Variants in ANKRD17 observed in about 807,000 individuals in gnomAD.
The protein encoded by ANKRD17 is ankyrin repeat domain 17, also known as ankyrin repeat domain-containing protein 17.
Under a neutral mutation model 229.7 loss-of-function variants are expected in ANKRD17, and 19 were observed. That is an observed-to-expected ratio of 0.08 (90% CI 0.06 to 0.12). ANKRD17 has a LOEUF of 0.12. ANKRD17 is among the 10% of genes least tolerant of loss of function. The pLI, the probability that ANKRD17 is intolerant of heterozygous loss-of-function variation, is 1.00. For synonymous variants in ANKRD17, 1,112 were observed against 1,146.1 expected, an observed-to-expected ratio of 0.97 and a Z score of 0.60; for missense variants, 2,176 against 3,176.8, an observed-to-expected ratio of 0.68 and a Z score of 7.57.
chr4:73,255,183 A>G (rs1255669482), intron 1 of ANKRD17, among the ~76,000 whole-genome samples: 1 of 152,202 alleles, frequency 6.6e-6, no homozygotes, highest in Non-Finnish European at 1.5e-5. Flanking sequence ...CCTATTCTCA[A>G]TAACCTACTC....
intron 1 of ANKRD17, among the ~76,000 whole-genome samples, chr4:73,214,394 G>T (rs555986399): frequency 2.0e-5 from 3 of 152,186 alleles, no homozygotes; most frequent in Non-Finnish European, 4.4e-5. Flanking sequence ...CAGCAGTTGT[G>T]CAAGTGTGGT....
At chr4:73,102,758 T>C in intron 24 of ANKRD17, 3 of 498,380 alleles carry the variant, frequency 6.0e-6, no homozygotes, top group Non-Finnish European at 1.0e-5. Context: ...ATAAGACTAA[T>C]TTTAAAATGG....
intron 1 of ANKRD17, among the ~76,000 whole-genome samples, chr4:73,197,634 T>C (rs1220824815): frequency 6.6e-6 from 1 of 152,106 alleles, no homozygotes; most frequent in Non-Finnish European, 1.5e-5. Flanking sequence ...AGTTTGAGAC[T>C]AGCTTGAGCA....
rs1354836230 is a variant in ANKRD17 at position 73,146,856 on chromosome 4, T to A, written c.1777A>T (p.Thr593Ser). Residue 593 changes from threonine to serine, a missense_variant, in exon 10 of 34, where the codon ACA becomes TCA. Transcript: ENST00000358602. ...AGTGCTGTATCCCCTGTTGCTGTTG[T>A]TGCATGAACGTTAGCTCCTGTAGTA... The part of the protein sequence containing the change: ...LLAAGANVHA[T>S]TATGDTALTY... 5.0e-6 allele frequency: 8 copies of A among 1,612,500 alleles called. No individual in the cohort carries two copies. The highest frequency in any genetic ancestry group is 6.8e-6 in the Non-Finnish European group (8 of 1,178,998).
At chr4:73,164,603 CAACATGG>C (rs1351062529) in intron 2 of ANKRD17, among the ~76,000 whole-genome samples, 2 of 152,046 alleles carry the variant, frequency 1.3e-5, no homozygotes, top group Non-Finnish European at 2.9e-5. Flanking sequence ...TCAGCCTGGG[CAACATGG>C]TGAAACCCCG....
chr4:73,146,681 A>G, intron 10 of ANKRD17, 83 bp downstream of exon 10: 1 of 978,164 alleles, frequency 1.0e-6, no homozygotes, highest in Non-Finnish European at 1.5e-6. Context: ...AAGGTAAAGA[A>G]ATACCTTTTG....
chr4:73,197,666 T>C (rs934060008), intron 1 of ANKRD17, among the ~76,000 whole-genome samples: 1 of 152,016 alleles, frequency 6.6e-6, no homozygotes, highest in African/African-American at 2.4e-5. Context: ...CCCATCTCTA[T>C]TAAAAAAATT....
chr4:73,222,795 G>GT (rs1262103921), intron 1 of ANKRD17, among the ~76,000 whole-genome samples: 1 of 152,166 alleles, frequency 6.6e-6, no homozygotes, highest in African/African-American at 2.4e-5. Flanking sequence ...GACGTCTATA[G>GT]TAATCATGTG....
At chr4:73,224,606 C>T (rs1199205414) in intron 1 of ANKRD17, among the ~76,000 whole-genome samples, 2 of 152,076 alleles carry the variant, frequency 1.3e-5, no homozygotes, top group African/African-American at 4.8e-5. Context: ...CTCATAACAA[C>T]CCAGCTATGT....
At chr4:73,136,629 T>C (rs1728927150) in intron 15 of ANKRD17, among the ~76,000 whole-genome samples, 1 of 152,126 alleles carries the variant, frequency 6.6e-6, no homozygotes, top group African/African-American at 2.4e-5. Flanking sequence ...ATATATTAAA[T>C]TGATAATCTA....
At chr4:73,171,214 A>AGG (rs1343600199) in intron 2 of ANKRD17, among the ~76,000 whole-genome samples, 1 of 151,224 alleles carries the variant, frequency 6.6e-6, no homozygotes, top group Non-Finnish European at 1.5e-5. Flanking sequence ...AGAGAGAGAG[A>AGG]GAGAGAGACT....
At chr4:73,247,399 C>A (rs1038520743) in intron 1 of ANKRD17, among the ~76,000 whole-genome samples, 1 of 151,932 alleles carries the variant, frequency 6.6e-6, no homozygotes, top group Non-Finnish European at 1.5e-5. Flanking sequence ...GTTTCATACT[C>A]AAAAATAACT....
At chr4:73,077,668 C>A in intron 31 of ANKRD17, 135 bp from the exon 32 acceptor site, 2 of 705,972 alleles carry the variant, frequency 2.8e-6, no homozygotes, top group Non-Finnish European at 4.2e-6. Flanking sequence ...ATATTTACAG[C>A]AATATTTCCA....
chr4:73,191,585 A>T (rs1222921557), intron 1 of ANKRD17, among the ~76,000 whole-genome samples: 1 of 151,852 alleles, frequency 6.6e-6, no homozygotes, highest in Admixed American at 6.6e-5. Context: ...GCCATAAAAT[A>T]AAAAAACTGA....
intron 1 of ANKRD17, among the ~76,000 whole-genome samples, chr4:73,181,568 G>A (rs1417191914): frequency 6.6e-6 from 1 of 151,980 alleles, no homozygotes; most frequent in Non-Finnish European, 1.5e-5. Flanking sequence ...ATTAAATTAT[G>A]GGCATACACC....
rs1276496595 is a variant in ANKRD17, at chr4:73,082,157, A to T, written c.7159+3092T>A. On this transcript the variant is annotated intron_variant, in intron 30 of 33. Coordinates refer to ENST00000358602, the MANE Select transcript of ANKRD17 (RefSeq NM_032217.5). The stretch of plus-strand genomic sequence containing the variant: ...AGAGAGATACATTATCTTTTTATTT[A>T]AAAAAAAAAAAAAAAAAAGGGGGGC... Among the ~76,000 whole-genome samples, 109 of 16,398 alleles carry T rather than the reference A, an allele frequency of 6.6e-3. No individual in the cohort carries two copies. The African/African-American group carries it at 0.067, about 10-fold the overall frequency. 10.8% of individuals were successfully genotyped at this position (16,398 alleles called of 152,430 possible).
chr4:73,090,533 A>C, intron 29 of ANKRD17, 134 bp downstream of exon 29: 1 of 1,083,840 alleles, frequency 9.2e-7, no homozygotes, highest in South Asian at 1.6e-5. Context: ...CACAAACAAC[A>C]GCATCTGAGT....
chr4:73,133,273 C>T (rs972792841), intron 16 of ANKRD17, among the ~76,000 whole-genome samples: 1 of 150,732 alleles, frequency 6.6e-6, no homozygotes, highest in African/African-American at 2.4e-5. Context: ...TAAAAAGCCT[C>T]AAAGCAAAAA....
chr4:73,212,788 C>T (rs1057373007), intron 1 of ANKRD17, among the ~76,000 whole-genome samples: 4 of 151,044 alleles, frequency 2.6e-5, no homozygotes, highest in Non-Finnish European at 5.9e-5. Flanking sequence ...GGCCAAGGCA[C>T]GGGGATCACC....
Sources: gnomAD v4.1 joint callset for allele counts (sites outside exome capture counted in the v4.1 genomes callset) on GRCh38, gnomAD v4.1.1 for gene constraint, MANE v1.5 for transcripts, NCBI Gene and HGNC (gene_info 2026-07-23, HGNC 2026-07-21) for gene names.